Variants in XIRP2 observed in about 807,000 individuals in gnomAD.
The protein encoded by XIRP2 is xin actin binding repeat containing 2.
In XIRP2, 236 loss-of-function variants were observed where a neutral mutation model predicts 277.0. The ratio of observed to expected loss-of-function variants is 0.85; its 90% confidence interval spans 0.77 to 0.95. The LOEUF is 0.95. XIRP2 is among the 40% of genes least tolerant of loss of function. The pLI, the probability that XIRP2 is intolerant of heterozygous loss-of-function variation, is 0.00. For synonymous variants in XIRP2, 1,490 were observed against 1,416.5 expected (o/e 1.05, Z -1.17); for missense variants, 4,640 against 4,157.5 (o/e 1.12, Z -3.19).
intron 10 of XIRP2, among the ~76,000 whole-genome samples, chr2:167,254,519 T>C (rs1695605899): frequency 6.6e-6 from 1 of 151,908 alleles, no homozygotes; most frequent in Non-Finnish European, 1.5e-5. Context: ...GTCTAGATCA[T>C]AAGTAATTTT....
chr2:166,916,564 A>T (rs538603399), intron 2 of XIRP2, among the ~76,000 whole-genome samples: 1 of 152,316 alleles, frequency 6.6e-6, no homozygotes, highest in Non-Finnish European at 1.5e-5. Flanking sequence ...AGAGAAAAAT[A>T]AAAAATAAGG....
Position 166,956,257 on chromosome 2 carries a change from T to A in XIRP2, c.408+52367T>A, listed in dbSNP as rs1384176101. ...TTGGTCATTGATTATGATGAGCATT[T>A]TTTTGTGTGTAGTGATTTGTGGACT... On this transcript the variant is annotated intron_variant, in intron 2 of 10. Transcript: ENST00000409195. Among the ~76,000 whole-genome samples the A allele has an allele frequency of 2.0e-5, 3 of 151,954 alleles. No individual in the cohort carries two copies. The East Asian group carries it at 5.8e-4, about 30-fold the overall frequency.
chr2:166,916,195 G>A (rs1372684827), intron 2 of XIRP2, among the ~76,000 whole-genome samples: 1 of 152,156 alleles, frequency 6.6e-6, no homozygotes, highest in Non-Finnish European at 1.5e-5. Flanking sequence ...GCATTCAAAA[G>A]CATGGCTTAC....
intron 2 of XIRP2, among the ~76,000 whole-genome samples, chr2:166,958,515 T>A (rs973078943): frequency 2.6e-5 from 4 of 151,714 alleles, no homozygotes; most frequent in Non-Finnish European, 5.9e-5. Flanking sequence ...CATTCCAATC[T>A]TGGTCTTGGC....
At chr2:167,152,765 A>G (rs1201514699) in intron 3 of XIRP2, among the ~76,000 whole-genome samples, 1 of 152,112 alleles carries the variant, frequency 6.6e-6, no homozygotes, top group Non-Finnish European at 1.5e-5. Flanking sequence ...ACAGAAGCCC[A>G]TTGAGAATTG....
At chr2:166,906,006 T>C (rs1391034403) in intron 2 of XIRP2, among the ~76,000 whole-genome samples, 1 of 152,036 alleles carries the variant, frequency 6.6e-6, no homozygotes, top group Non-Finnish European at 1.5e-5. Context: ...AGTCATGATA[T>C]AATATTTATT....
At chr2:167,076,789 A>C (rs1382993381) in intron 2 of XIRP2, among the ~76,000 whole-genome samples, 1 of 152,122 alleles carries the variant, frequency 6.6e-6, no homozygotes, top group Non-Finnish European at 1.5e-5. Flanking sequence ...TTTCATGTTA[A>C]GGTAGCAGCT....
At chr2:166,952,867 T>C (rs543109319) in intron 2 of XIRP2, among the ~76,000 whole-genome samples, 173 of 151,536 alleles carry the variant, frequency 1.1e-3, no homozygotes, top group Non-Finnish European at 1.9e-3. Context: ...TGTAGATTGA[T>C]GGAAAACAAA....
At chr2:167,226,896 A>G (rs1694618450) in intron 5 of XIRP2, among the ~76,000 whole-genome samples, 1 of 152,156 alleles carries the variant, frequency 6.6e-6, no homozygotes, top group Non-Finnish European at 1.5e-5. Flanking sequence ...CAGCTGGGGC[A>G]TGGAATCCCA....
At chr2:166,936,352 T>G (rs1438725198) in intron 2 of XIRP2, among the ~76,000 whole-genome samples, 1 of 152,102 alleles carries the variant, frequency 6.6e-6, no homozygotes, top group East Asian at 1.9e-4. Flanking sequence ...TTTTCTCCCA[T>G]TCTGTAGGTT....
At chr2:167,082,318 G>A (rs1157294358) in intron 2 of XIRP2, among the ~76,000 whole-genome samples, 1 of 152,084 alleles carries the variant, frequency 6.6e-6, no homozygotes, top group Non-Finnish European at 1.5e-5. Flanking sequence ...GTGTATATGT[G>A]CCACATTTTC....
intron 3 of XIRP2, among the ~76,000 whole-genome samples, chr2:167,198,291 G>A (rs1318717909): frequency 2.0e-5 from 3 of 152,172 alleles, no homozygotes; most frequent in African/African-American, 7.2e-5. Context: ...TGGTTACAGA[G>A]GAGAGTAACC....
chr2:166,892,664 T>C (rs1402628583), intron 1 of XIRP2, among the ~76,000 whole-genome samples: 2 of 152,010 alleles, frequency 1.3e-5, no homozygotes, highest in Non-Finnish European at 2.9e-5. Flanking sequence ...GCAAATATGT[T>C]GAGGCTTCTC....
intron 2 of XIRP2, among the ~76,000 whole-genome samples, chr2:167,041,724 G>C (rs1419441634): frequency 6.6e-6 from 1 of 152,110 alleles, no homozygotes; most frequent in East Asian, 1.9e-4. Context: ...GAAAGACAGA[G>C]ACAGAGAGAG....
At chr2:167,114,444 T>C (rs977409412) in intron 2 of XIRP2, among the ~76,000 whole-genome samples, 2 of 152,006 alleles carry the variant, frequency 1.3e-5, no homozygotes, top group Non-Finnish European at 2.9e-5. Context: ...TATGCAATTC[T>C]TTTTTTTATT....
intron 2 of XIRP2, among the ~76,000 whole-genome samples, chr2:167,045,530 C>T (rs1403726033): frequency 2.6e-5 from 4 of 151,898 alleles, no homozygotes; most frequent in African/African-American, 7.2e-5. Flanking sequence ...TATTCGGAAT[C>T]TATAAGGAAC....
chr2:167,009,522 C>T (rs1215040319), intron 2 of XIRP2, among the ~76,000 whole-genome samples: 4 of 152,054 alleles, frequency 2.6e-5, no homozygotes, highest in Non-Finnish European at 5.9e-5. Context: ...CCGCAACAAA[C>T]ATGCGTGTGC....
intron 2 of XIRP2, among the ~76,000 whole-genome samples, chr2:166,921,861 A>T (rs1685049635): frequency 6.6e-6 from 1 of 152,104 alleles, no homozygotes; most frequent in African/African-American, 2.4e-5. Flanking sequence ...CTTGATGTTG[A>T]TTGTCCCTTG....
At chr2:167,028,844 C>T (rs1688247176) in intron 2 of XIRP2, among the ~76,000 whole-genome samples, 1 of 150,466 alleles carries the variant, frequency 6.6e-6, no homozygotes, top group African/African-American at 2.4e-5. Flanking sequence ...ATTCAGAATC[C>T]CATAAGATAA....
Sources: allele counts gnomAD v4.1 joint callset (sites outside exome capture counted in the v4.1 genomes callset), GRCh38; gene constraint gnomAD v4.1.1; transcripts MANE v1.5; gene names NCBI Gene and HGNC (gene_info 2026-07-23, HGNC 2026-07-21).